Variants in AGBL1 observed in about 807,000 individuals in gnomAD.
AGBL1 encodes cytosolic carboxypeptidase 4.
A neutral mutation model predicts 118.9 loss-of-function variants in AGBL1; 130 were observed. That is an observed-to-expected ratio of 1.09 (90% CI 0.95 to 1.26). The LOEUF (loss-of-function observed/expected upper bound fraction) is 1.26, where lower values mean the gene tolerates loss of function less well. Among genes scored for constraint, AGBL1 ranks in the 50% most tolerant of loss-of-function variants. AGBL1 has a pLI of 0.00. For synonymous variants in AGBL1, 555 were observed against 478.9 expected (o/e 1.16, Z -2.08); for missense variants, 1,584 against 1,298.1 (o/e 1.22, Z -3.38).
At chr15:86,292,227 A>G (rs572459862) in intron 16 of AGBL1, among the ~76,000 whole-genome samples, 7 of 152,222 alleles carry the variant, frequency 4.6e-5, no homozygotes, top group Admixed American at 2.6e-4. Flanking sequence ...AAGAGTCCTT[A>G]TAAGTGAAAG....
chr15:86,418,938 T>C (rs935635751), intron 18 of AGBL1, among the ~76,000 whole-genome samples: 1 of 152,104 alleles, frequency 6.6e-6, no homozygotes, highest in African/African-American at 2.4e-5. Flanking sequence ...ATCTAGAAAA[T>C]GCTTTATGAC....
chr15:86,745,271 C>G (rs963833142), intron 22 of AGBL1, among the ~76,000 whole-genome samples: 6 of 151,888 alleles, frequency 4.0e-5, no homozygotes, highest in African/African-American at 1.2e-4. Flanking sequence ...ATATATTAAC[C>G]TTGAAGAAGG....
chr15:86,821,327 A>C (rs533079415), intron 22 of AGBL1, among the ~76,000 whole-genome samples: 1 of 152,298 alleles, frequency 6.6e-6, no homozygotes, highest in South Asian at 2.1e-4. Context: ...AAAGTATAAT[A>C]ATAAATAAAA....
chr15:86,267,220 G>A (rs777127558), intron 13 of AGBL1, 144 bp downstream of exon 13: 307 of 679,578 alleles, frequency 4.5e-4, no homozygotes, highest in Non-Finnish European at 7.0e-4. Flanking sequence ...ATAAAAATTG[G>A]CAAACAGTAC....
At chr15:87,002,886 A>G (rs550391073) in intron 24 of AGBL1, among the ~76,000 whole-genome samples, 1 of 152,126 alleles carries the variant, frequency 6.6e-6, no homozygotes, top group Non-Finnish European at 1.5e-5. Flanking sequence ...GGGCTGAGAC[A>G]ATGGGGTTTT....
intron 1 of AGBL1, among the ~76,000 whole-genome samples, chr15:86,087,669 T>C (rs1049369011): frequency 6.6e-6 from 1 of 152,182 alleles, no homozygotes; most frequent in Non-Finnish European, 1.5e-5. Flanking sequence ...CAGTTAATAT[T>C]ATCCTCATTT....
intron 5 of AGBL1, chr15:86,173,363 G>A (rs909248418): frequency 1.3e-5 from 2 of 151,910 alleles, no homozygotes; most frequent in Non-Finnish European, 2.9e-5. Flanking sequence ...CAGAGAGTTT[G>A]CAAATATTTT....
intron 7 of AGBL1, among the ~76,000 whole-genome samples, chr15:86,252,748 A>G (rs1036074644): frequency 1.3e-5 from 2 of 152,228 alleles, no homozygotes; most frequent in South Asian, 4.1e-4. Flanking sequence ...CCAGGCACAG[A>G]CAGAGAAGCT....
intron 18 of AGBL1, among the ~76,000 whole-genome samples, chr15:86,490,358 A>G (rs1218257223): frequency 6.6e-6 from 1 of 152,050 alleles, no homozygotes; most frequent in African/African-American, 2.4e-5. Context: ...TAGGCATTTT[A>G]GCAATTTCCT....
intron 18 of AGBL1, among the ~76,000 whole-genome samples, chr15:86,397,795 G>A (rs1461434657): frequency 2.0e-5 from 3 of 152,080 alleles, no homozygotes; most frequent in South Asian, 4.1e-4. Context: ...GGACCAGTCT[G>A]GGCAACACAG....
At chr15:86,764,677 G>C (rs2078071444) in intron 22 of AGBL1, among the ~76,000 whole-genome samples, 2 of 152,032 alleles carry the variant, frequency 1.3e-5, no homozygotes, top group Admixed American at 1.3e-4. Context: ...ACTCTGCAAA[G>C]ACTTCCCTTT....
chr15:86,945,634 C>A (rs1684645560), intron 23 of AGBL1, among the ~76,000 whole-genome samples: 1 of 152,122 alleles, frequency 6.6e-6, no homozygotes, highest in Non-Finnish European at 1.5e-5. Flanking sequence ...GATTGTGCCA[C>A]TGCACTTCAG....
chr15:86,359,387 C>CTTTTTTTTTTT (rs56189861), intron 17 of AGBL1, among the ~76,000 whole-genome samples: 4 of 93,808 alleles, frequency 4.3e-5, no homozygotes, highest in African/African-American at 8.1e-5. Flanking sequence ...TATTGGTTTT[C>CTTTTTTTTTTT]TTTTTTTTTT....
At chr15:86,863,651 T>G (rs976156611) in intron 22 of AGBL1, among the ~76,000 whole-genome samples, 2 of 152,180 alleles carry the variant, frequency 1.3e-5, no homozygotes, top group Non-Finnish European at 2.9e-5. Flanking sequence ...TTCCTATTGT[T>G]TATTAGATGG....
At chr15:86,498,921 G>A (rs1201177257) in intron 18 of AGBL1, among the ~76,000 whole-genome samples, 1 of 151,884 alleles carries the variant, frequency 6.6e-6, no homozygotes, top group Non-Finnish European at 1.5e-5. Flanking sequence ...ATATGACCAT[G>A]AGGCAGTTAG....
chr15:86,857,567 A>G (rs139008857), intron 22 of AGBL1, among the ~76,000 whole-genome samples: 1 of 152,258 alleles, frequency 6.6e-6, no homozygotes, highest in East Asian at 1.9e-4. Context: ...TTTGAATCTC[A>G]ACTCAAAAGT....
At chr15:86,843,319 G>T (rs2079271468) in intron 22 of AGBL1, among the ~76,000 whole-genome samples, 3 of 152,044 alleles carry the variant, frequency 2.0e-5, no homozygotes, top group Admixed American at 1.3e-4. Context: ...TTTCATGCAG[G>T]CAACACTGAA....
At chr15:86,310,806 T>C (rs1328369506) in intron 17 of AGBL1, among the ~76,000 whole-genome samples, 2 of 152,210 alleles carry the variant, frequency 1.3e-5, no homozygotes, top group Admixed American at 6.5e-5. Flanking sequence ...GGGATGACCA[T>C]ATTCTCTACT....
chr15:86,184,975 A>T (rs946951829), intron 5 of AGBL1, among the ~76,000 whole-genome samples: 1 of 152,214 alleles, frequency 6.6e-6, no homozygotes, highest in African/African-American at 2.4e-5. Context: ...GTGAACAGGC[A>T]ACCTACAGAA....
Sources: allele counts gnomAD v4.1 joint callset (sites outside exome capture counted in the v4.1 genomes callset), GRCh38; gene constraint gnomAD v4.1.1; transcripts MANE v1.5; gene names NCBI Gene and HGNC (gene_info 2026-07-23, HGNC 2026-07-21).